Variants in MYLK observed in about 807,000 individuals in gnomAD.
MYLK encodes the protein myosin light chain kinase, smooth muscle.
MYLK carries 106 observed loss-of-function variants against 203.4 expected under a neutral mutation model. The observed-to-expected ratio is 0.52, with a 90% CI of 0.45 to 0.61. The LOEUF (loss-of-function observed/expected upper bound fraction) is 0.61. Among genes scored for constraint, MYLK ranks in the 20% least tolerant of loss-of-function variants. MYLK has a pLI of 0.00. For missense variants in MYLK, 2,072 were observed against 2,442.3 expected (o/e 0.85, Z 3.20); for synonymous variants, 867 against 959.5 (o/e 0.90, Z 1.78).
At chr3:123,813,285 G>A (rs1446633357) in intron 3 of MYLK, among the ~76,000 whole-genome samples, 1 of 152,226 alleles carries the variant, frequency 6.6e-6, no homozygotes, top group Non-Finnish European at 1.5e-5. Context: ...TAATGGTCAT[G>A]TACCAGGTTT....
intron 4 of MYLK, among the ~76,000 whole-genome samples, chr3:123,789,254 C>T (rs1230460027): frequency 3.3e-5 from 5 of 152,138 alleles, no homozygotes; most frequent in Middle Eastern, 3.2e-3. Context: ...CTACTAGGCA[C>T]GTGAGCAGAA....
intron 4 of MYLK, among the ~76,000 whole-genome samples, chr3:123,792,977 ACAAAGGTAAGGTCCGGCATCATG>A (rs2064841242): frequency 6.6e-6 from 1 of 152,186 alleles, no homozygotes; most frequent in Non-Finnish European, 1.5e-5. Flanking sequence ...TGCCACTTAC[ACAAAGGTAAGGTCCGGCATCATG>A]CAAAAAGAAT....
intron 3 of MYLK, among the ~76,000 whole-genome samples, chr3:123,824,567 T>C (rs1337567178): frequency 1.3e-5 from 2 of 152,172 alleles, no homozygotes; most frequent in Middle Eastern, 6.3e-3. Context: ...GGAGTTACAT[T>C]CTTTTCTGGG....
At chr3:123,716,925 C>T (rs1299639932) in intron 13 of MYLK, among the ~76,000 whole-genome samples, 1 of 152,022 alleles carries the variant, frequency 6.6e-6, no homozygotes, top group Non-Finnish European at 1.5e-5. Context: ...GTACACAAAC[C>T]CAATTCTGTA....
At chr3:123,708,513 C>A (rs956913376) in intron 15 of MYLK, among the ~76,000 whole-genome samples, 185 bp downstream of exon 15, 5 of 152,164 alleles carry the variant, frequency 3.3e-5, no homozygotes, top group African/African-American at 1.2e-4. Context: ...GAAAGGCAGC[C>A]CCACTCAGTC....
At chr3:123,787,768 G>A (rs2064593804) in intron 4 of MYLK, among the ~76,000 whole-genome samples, 1 of 152,166 alleles carries the variant, frequency 6.6e-6, no homozygotes, top group Non-Finnish European at 1.5e-5. Flanking sequence ...TGTAAGCCTA[G>A]CACCAATAAG....
chr3:123,708,581 C>A, intron 15 of MYLK, 117 bp downstream of exon 15: 6 of 1,162,768 alleles, frequency 5.2e-6, no homozygotes, highest in African/African-American at 1.5e-5. Context: ...GACTGAGGGA[C>A]GAGAGGGCCC....
At position 123,692,863 on chromosome 3, in the gene MYLK, G is replaced by A; in HGVS notation, c.3449-12C>T. 1 of 1,607,340 alleles carries A rather than the reference G, an allele frequency of 6.2e-7. No individual in the cohort carries two copies. Among genetic ancestry groups the A allele is most frequent in the South Asian group, 1.1e-5 (1 of 90,942 alleles). ...GGAGCAGAGTGAGCCTGGGGAGGAA[G>A]AATTGTGGAGTGAACCAGGTGTGGT... is the stretch of plus-strand genomic sequence containing the variant. On this transcript the variant is annotated splice_polypyrimidine_tract_variant and intron_variant, in intron 18 of 33. Coordinates refer to ENST00000360304, the MANE Select transcript of MYLK (RefSeq NM_053025.4).
In MYLK at chr3:123,789,798, G is replaced by T. The variant is rs150124148; in HGVS notation, c.165+3879C>A. Among the ~76,000 whole-genome samples, 211 of 152,192 alleles carry T rather than the reference G, an allele frequency of 1.4e-3. 2 individuals are homozygous for T. The Middle Eastern group carries it at 0.02, about 15-fold the overall frequency. Reference sequence around the variant, plus strand: ...CTTCCTCTCATAAACCCTAGGCCCTGCTGGTTCAAGCCTAATGGCCACAGC... The same window carrying T: ...CTTCCTCTCATAAACCCTAGGCCCTTCTGGTTCAAGCCTAATGGCCACAGC... On this transcript the variant is annotated intron_variant, in intron 4 of 33. Transcript: ENST00000360304.
At chr3:123,826,742 G>A (rs1192127479) in intron 3 of MYLK, among the ~76,000 whole-genome samples, 1 of 152,146 alleles carries the variant, frequency 6.6e-6, no homozygotes, top group African/African-American at 2.4e-5. Flanking sequence ...GCCCAGCCTA[G>A]CAAAGCTGCA....
chr3:123,682,385 C>G (rs2060299393), intron 19 of MYLK, 75 bp from the exon 20 acceptor site: 3 of 1,199,050 alleles, frequency 2.5e-6, no homozygotes, highest in Non-Finnish European at 3.6e-6. Flanking sequence ...CAGTCAAAAT[C>G]CCACCTCAGC....
chr3:123,700,705 C>T lies in MYLK; in HGVS notation c.2763G>A (p.Glu921=). The T allele has an allele frequency of 6.2e-7, 1 of 1,614,168 alleles. No homozygotes were observed. Among genetic ancestry groups the T allele is most frequent in the Non-Finnish European group, 8.5e-7 (1 of 1,180,038 alleles). The change falls in exon 18 of 34, where the codon GAG becomes GAA. Residue 921 remains glutamate, a synonymous_variant. Transcript: ENST00000360304. ...GCAGGTTGGCACGGAAATCCATCTG[C>T]TCGGCTGGGATCTCCTTCAGGTCGT... ...SEDDLKEIPA[E]QMDFRANLQR... is the part of the protein sequence containing the mutation.
At chr3:123,634,645 T>C (rs561468328) in intron 29 of MYLK, among the ~76,000 whole-genome samples, 3 of 152,232 alleles carry the variant, frequency 2.0e-5, no homozygotes, top group East Asian at 1.9e-4. Flanking sequence ...AGAGCAGCCA[T>C]TGCTGGTTCG....
chr3:123,803,661 C>G (rs2065269610), intron 3 of MYLK, among the ~76,000 whole-genome samples: 1 of 152,230 alleles, frequency 6.6e-6, no homozygotes. Flanking sequence ...TGCTGCAGGA[C>G]CCCAGGAGAG....
intron 19 of MYLK, among the ~76,000 whole-genome samples, chr3:123,683,907 GC>G (rs894816642): frequency 6.6e-6 from 1 of 152,140 alleles, no homozygotes. Context: ...CTGAACTCCT[GC>G]CACCTCCCAT....
intron 2 of MYLK, among the ~76,000 whole-genome samples, chr3:123,861,380 A>T (rs2031904382): frequency 1.3e-5 from 2 of 152,236 alleles, no homozygotes; most frequent in South Asian, 4.1e-4. Context: ...CCCTCATCTT[A>T]AATACAGAGG....
chr3:123,666,159 TC>T, intron 22 of MYLK, 59 bp downstream of exon 22: 1 of 1,613,792 alleles, frequency 6.2e-7, no homozygotes, highest in Non-Finnish European at 8.5e-7. Context: ...TCCCTTTCGG[TC>T]CAAAGGCTGT....
chr3:123,629,459 A>G lies in MYLK; in HGVS notation c.5114+15T>C. 6.2e-7 allele frequency: 1 copy of G among 1,614,058 alleles called. No individual in the cohort carries two copies. The highest frequency in any genetic ancestry group is 2.2e-5 in the East Asian group (1 of 44,878). ...AGGGAGTAGGGAAGCAAAGACTGAA[A>G]TCCCAACTCATTACTTCATATCTTT... On this transcript the variant is annotated intron_variant, in intron 30 of 33. Coordinates refer to ENST00000360304, the MANE Select transcript of MYLK (RefSeq NM_053025.4). The surrounding 1 kb of genome is among the most constrained non-coding windows in gnomAD (Gnocchi z 4.4).
chr3:123,652,946 C>G (rs1435691158), intron 24 of MYLK, among the ~76,000 whole-genome samples: 1 of 152,170 alleles, frequency 6.6e-6, no homozygotes, highest in Admixed American at 6.5e-5. Flanking sequence ...AGTGTATCCC[C>G]AGTGCCCATG....
Sources: gnomAD v4.1 joint callset for allele counts (sites outside exome capture counted in the v4.1 genomes callset) on GRCh38, gnomAD v4.1.1 for gene constraint, Gnocchi (gnomAD v3.1) non-coding constraint, MANE v1.5 for transcripts, NCBI Gene and HGNC (gene_info 2026-07-23, HGNC 2026-07-21) for gene names.